Variants in ZNF681 observed in about 807,000 individuals in gnomAD.
ZNF681 encodes hypothetical protein FLJ31526.
A neutral mutation model predicts 56.0 loss-of-function variants in ZNF681; 37 were observed. The ratio of observed to expected loss-of-function variants is 0.66; its 90% CI spans 0.51 to 0.87. ZNF681 has a LOEUF of 0.87. Ranked by LOEUF, ZNF681 falls within the 40% of genes least tolerant of loss-of-function variation. The pLI is 0.00. For missense variants in ZNF681, 741 were observed against 744.9 expected (o/e 0.99, Z 0.06); for synonymous variants, 225 against 248.6 (o/e 0.91, Z 0.89).
intron 1 of ZNF681, among the ~76,000 whole-genome samples, chr19:23,758,069 T>C (rs1475364016): frequency 6.6e-6 from 1 of 152,144 alleles, no homozygotes; most frequent in East Asian, 1.9e-4. Flanking sequence ...GGTGATGACA[T>C]CGCAAGTCAC....
In ZNF681 at chr19:23,741,697, G is replaced by A. The variant is rs1968876140; in HGVS notation, c.*1915C>T. On this transcript the variant is annotated 3_prime_UTR_variant, in exon 4 of 4. Coordinates refer to ENST00000402377, the MANE Select transcript of ZNF681 (RefSeq NM_138286.3). ...GCACCCAGGCGTGCACAGCCTGGGT[G>A]ACATAGTGAGACTCGTCTCAAAAAA... The A allele has an allele frequency of 6.6e-6, 1 of 151,898 alleles. No individual in the cohort carries two copies. Among genetic ancestry groups the A allele is most frequent in the Non-Finnish European group, 1.5e-5 (1 of 67,990 alleles). The allele number at this position is 151,898 out of a possible 1,614,324, so 9.4% of individuals were successfully genotyped here.
At position 23,742,686 on chromosome 19, in the gene ZNF681, C is replaced by A. The variant is rs916422038; in HGVS notation, c.*926G>T. On this transcript the variant is annotated 3_prime_UTR_variant, in exon 4 of 4. Coordinates refer to ENST00000402377, the MANE Select transcript of ZNF681 (RefSeq NM_138286.3). ...CCTTAACTCTTTCACTAAAAAAGGT[C>A]GTAAATAATGCACACCTAATAACAA... 5 of 151,896 alleles carry A rather than the reference C, an allele frequency of 3.3e-5. No individual in the cohort carries two copies. The highest frequency in any genetic ancestry group is 1.2e-4 in the African/African-American group (5 of 41,348). The allele number at this position is 151,896 out of a possible 1,614,324, so 9.4% of individuals were successfully genotyped here.
At position 23,743,579 on chromosome 19, in the gene ZNF681, A is replaced by G. The variant is rs772333406; in HGVS notation, c.*33T>C. 6.9e-7 allele frequency: 1 copy of G among 1,443,506 alleles called. No homozygotes were observed. The allele number at this position is 1,443,506 out of a possible 1,614,324, so 89.4% of individuals were successfully genotyped here. A position where few individuals can be genotyped will look rare whatever the true frequency, so the allele number is the denominator to read the frequency against. ...ATCTTATGCACAATCAAGTGTGACAACTTTTAAAGGTTTTGTTACATTCTT... is the reference window on the plus strand; with the variant it reads ...ATCTTATGCACAATCAAGTGTGACAGCTTTTAAAGGTTTTGTTACATTCTT... On this transcript the variant is annotated 3_prime_UTR_variant, in exon 4 of 4. Transcript: ENST00000402377.
Position 23,741,053 on chromosome 19 carries a change from A to G in ZNF681, c.*2559T>C, listed in dbSNP as rs1968869058. On this transcript the variant is annotated 3_prime_UTR_variant, in exon 4 of 4. Coordinates refer to ENST00000402377, the MANE Select transcript of ZNF681 (RefSeq NM_138286.3). ...AAGCAGAGAGTATGGATTTGTTTTCAGCATTTTTAAGTTTTTTTAGTTTTG... is the reference window on the plus strand; with the variant it reads ...AAGCAGAGAGTATGGATTTGTTTTCGGCATTTTTAAGTTTTTTTAGTTTTG... 1 of 152,148 alleles carries G rather than the reference A, an allele frequency of 6.6e-6. No homozygotes were observed. Among genetic ancestry groups the G allele is most frequent in the Non-Finnish European group, 1.5e-5 (1 of 68,020 alleles). The allele number at this position is 152,148 out of a possible 1,614,324, so 9.4% of individuals were successfully genotyped here. A position where few individuals can be genotyped will look rare whatever the true frequency, so the allele number is the denominator to read the frequency against.
chr19:23,748,257 G>A (rs1039164477), intron 3 of ZNF681, among the ~76,000 whole-genome samples: 1 of 152,124 alleles, frequency 6.6e-6, no homozygotes, highest in African/African-American at 2.4e-5. Context: ...GGGAGCTAAA[G>A]GCCCGAGGGT....
Position 23,744,287 on chromosome 19 carries a change from G to T in ZNF681, c.1263C>A (p.Pro421=), listed in dbSNP as rs771968381. 2 of 1,613,514 alleles carry T rather than the reference G, an allele frequency of 1.2e-6. No homozygotes were observed. The highest frequency in any genetic ancestry group is 1.7e-6 in the Non-Finnish European group (2 of 1,179,834). The part of the protein sequence containing the change: ...RHKSIHTGEK[P]YQCEKCGKAS... ...CTTTGCCACATTTTTCACACTGGTA[G>T]GGTTTTTCTCCAGTATGAATGCTCT... The change falls in exon 4 of 4, where the codon CCC becomes CCA. Residue 421 remains proline (P), a synonymous_variant. Transcript: ENST00000402377.
intron 3 of ZNF681, among the ~76,000 whole-genome samples, chr19:23,750,379 A>G (rs1969009752): frequency 6.6e-6 from 1 of 152,134 alleles, no homozygotes; most frequent in South Asian, 2.1e-4. Flanking sequence ...AGATAAACAC[A>G]CAAACATATA....
At chr19:23,745,449 A>AT (rs370284460) in intron 3 of ZNF681, 126 bp from the exon 4 acceptor site, 70,476 of 477,750 alleles carry the variant, frequency 0.15, 284 homozygotes, top group Non-Finnish European at 0.17. Context: ...AAAGGCCCTA[A>AT]TTTTTTTTTT....
rs907362527 is a variant in ZNF681, at chr19:23,740,415, T to C, written c.*3197A>G. On this transcript the variant is annotated 3_prime_UTR_variant, in exon 4 of 4. Coordinates refer to ENST00000402377, the MANE Select transcript of ZNF681 (RefSeq NM_138286.3). ...CAATTAGGAAATAAAAGAAGCACAA[T>C]TTTTTAATTCAGCAAAACTGAGCTT... The C allele has an allele frequency of 6.6e-6, 1 of 152,132 alleles. No homozygotes were observed. Among genetic ancestry groups the C allele is most frequent in the Non-Finnish European group, 1.5e-5 (1 of 68,012 alleles). 9.4% of individuals were successfully genotyped at this position (152,132 alleles called of 1,614,324 possible).
At position 23,741,152 on chromosome 19, in the gene ZNF681, C is replaced by T. The variant is rs1275470228; in HGVS notation, c.*2460G>A. 2 of 151,978 alleles carry T rather than the reference C, an allele frequency of 1.3e-5. No homozygotes were observed. Among genetic ancestry groups the T allele is most frequent in the African/African-American group, 2.4e-5 (1 of 41,368 alleles). 9.4% of individuals were successfully genotyped at this position (151,978 alleles called of 1,614,324 possible). ...CTGAAACTAGGTAGAAACTCATACTCGCAAAGAAGGCATTTATTTACTCCA... is the reference window on the plus strand; with the variant it reads ...CTGAAACTAGGTAGAAACTCATACTTGCAAAGAAGGCATTTATTTACTCCA... On this transcript the variant is annotated 3_prime_UTR_variant, in exon 4 of 4. Coordinates refer to ENST00000402377, the MANE Select transcript of ZNF681 (RefSeq NM_138286.3).
At chr19:23,756,002 A>G (rs375253714) in intron 1 of ZNF681, among the ~76,000 whole-genome samples, 1 of 152,104 alleles carries the variant, frequency 6.6e-6, no homozygotes, top group Non-Finnish European at 1.5e-5. Context: ...CTGAGTATAT[A>G]CTCACAAGAA....
intron 1 of ZNF681, 22 bp downstream of exon 1, chr19:23,758,725 A>G (rs1969165665): frequency 3.1e-6 from 5 of 1,614,144 alleles, no homozygotes; most frequent in Non-Finnish European, 4.2e-6. Context: ...CTCTCTCGGG[A>G]TGTCGGACCC....
intron 3 of ZNF681, among the ~76,000 whole-genome samples, chr19:23,754,387 G>C (rs1337733771): frequency 2.0e-5 from 3 of 152,176 alleles, no homozygotes; most frequent in Non-Finnish European, 2.9e-5. Context: ...AACTCGGCAG[G>C]GTGGCGTGGC....
At position 23,743,530 on chromosome 19, in the gene ZNF681, G is replaced by A. The variant is rs10405811; in HGVS notation, c.*82C>T. On this transcript the variant is annotated 3_prime_UTR_variant, in exon 4 of 4. Transcript: ENST00000402377. ...AAGTTTTGCCACATTCTTCACACTT[G>A]TAGGTTTTTTTTTAGTATGAATTAT... 1 allele frequency: 1,266,501 copies of A among 1,272,706 alleles called. 630,382 individuals carry two copies. Among genetic ancestry groups the A allele is most frequent in the East Asian group, 1 (38,138 of 38,152 alleles). 78.8% of individuals were successfully genotyped at this position (1,272,706 alleles called of 1,614,324 possible).
chr19:23,754,760 T>C (rs756918853), intron 3 of ZNF681, 63 bp downstream of exon 3: 7 of 1,347,942 alleles, frequency 5.2e-6, no homozygotes, highest in Non-Finnish European at 6.3e-6. Flanking sequence ...GCACTAGCTT[T>C]TTCTTTGACC....
Position 23,755,406 on chromosome 19 carries a change from A to G in ZNF681, c.130+19T>C, listed in dbSNP as rs1453409816. ...ACCTTTAGGGTATAATAGGAATTGT[A>G]TATTGAAGTTATCCTCACCCAAGAA... On this transcript the variant is annotated intron_variant, in intron 2 of 3. Transcript: ENST00000402377. The G allele has an allele frequency of 6.2e-7, 1 of 1,603,054 alleles. No individual in the cohort carries two copies. The highest frequency in any genetic ancestry group is 8.5e-7 in the Non-Finnish European group (1 of 1,176,098).
At chr19:23,746,667 G>C (rs766482670) in intron 3 of ZNF681, among the ~76,000 whole-genome samples, 1 of 152,206 alleles carries the variant, frequency 6.6e-6, no homozygotes, top group Non-Finnish European at 1.5e-5. Context: ...TGAGGACTGC[G>C]TTGCAGCATG....
intron 3 of ZNF681, among the ~76,000 whole-genome samples, chr19:23,752,397 C>G (rs894517281): frequency 6.6e-6 from 1 of 152,142 alleles, no homozygotes; most frequent in Non-Finnish European, 1.5e-5. Context: ...GTTTCACATC[C>G]AAGCCACAGT....
intron 3 of ZNF681, among the ~76,000 whole-genome samples, chr19:23,746,666 C>T (rs754372293): frequency 6.6e-5 from 10 of 152,180 alleles, no homozygotes; most frequent in Non-Finnish European, 1.2e-4. Flanking sequence ...TTGAGGACTG[C>T]GTTGCAGCAT....
Sources: gnomAD v4.1 joint callset for allele counts (sites outside exome capture counted in the v4.1 genomes callset) on GRCh38, gnomAD v4.1.1 for gene constraint, MANE v1.5 for transcripts, NCBI Gene and HGNC (gene_info 2026-07-23, HGNC 2026-07-21) for gene names.